NMT1: variants seen among roughly 807,000 people sequenced by gnomAD.
NMT1 encodes N-myristoyltransferase 1, also known as glycylpeptide N-tetradecanoyltransferase 1.
Under a neutral mutation model 63.4 loss-of-function variants are expected in NMT1, and 12 were observed. The ratio of observed to expected loss-of-function variants is 0.19; its 90% CI spans 0.12 to 0.31. The LOEUF is 0.31. Among genes scored for constraint, NMT1 ranks in the 10% least tolerant of loss-of-function variants. The pLI is 1.00. For synonymous variants in NMT1, 228 were observed against 234.3 expected (o/e 0.97, Z 0.25); for missense variants, 432 against 634.6 (o/e 0.68, Z 3.43).
chr17:45,096,122 G>C, intron 4 of NMT1, 72 bp from the exon 5 acceptor site: 1 of 1,109,086 alleles, frequency 9.0e-7, no homozygotes. Flanking sequence ...GAAAAGCCTA[G>C]AGCCCCAGGG....
At chr17:45,098,313 C>T (rs1455873969) in intron 6 of NMT1, 69 bp from the exon 7 acceptor site, 14 of 1,486,266 alleles carry the variant, frequency 9.4e-6, no homozygotes, top group South Asian at 1.2e-5. Flanking sequence ...TGTGGCTGCA[C>T]GTGCTTGATG....
intron 8 of NMT1, 124 bp downstream of exon 8, chr17:45,099,637 C>T: frequency 1.5e-6 from 1 of 671,126 alleles, no homozygotes; most frequent in Non-Finnish European, 2.7e-6. Context: ...CGAACCAGCC[C>T]ATAGTCTTCA....
chr17:45,097,333 C>T (rs1324710029), intron 6 of NMT1, 89 bp downstream of exon 6: 5 of 1,019,914 alleles, frequency 4.9e-6, no homozygotes, highest in Non-Finnish European at 6.2e-6. Context: ...CAATGTGCCC[C>T]ATGAAAGGAA....
intron 2 of NMT1, among the ~76,000 whole-genome samples, chr17:45,085,608 G>A (rs2054046870): frequency 6.6e-6 from 1 of 151,966 alleles, no homozygotes; most frequent in African/African-American, 2.4e-5. Context: ...TACTTTCTAT[G>A]TGTCTTACAC....
chr17:45,103,988 C>T lies in NMT1; in HGVS notation c.1332+112C>T, dbSNP rs1303215941. The T allele has an allele frequency of 3.1e-6, 5 of 1,598,984 alleles. No homozygotes were observed. The highest frequency in any genetic ancestry group is 1.7e-5 in the Admixed American group (1 of 59,812). On this transcript the variant is annotated intron_variant, in intron 10 of 11. Transcript: ENST00000258960. This position sits in a 1 kb window ranked among gnomAD's most constrained non-coding sequence, Gnocchi z 4.8. ...CCATGGGCTGGAGGCTCTGAGCCCT[C>T]CTCATCTGTTCTGCTTAGGCAGGGT...
At position 45,098,369 on chromosome 17, in the gene NMT1, T is replaced by C. The variant is rs760304105; in HGVS notation, c.714-13T>C. 3.2e-5 allele frequency: 51 copies of C among 1,610,258 alleles called. No homozygotes were observed. The highest frequency in any genetic ancestry group is 4.1e-5 in the Non-Finnish European group (48 of 1,177,234). Reference sequence around the variant, plus strand: ...GTTAAAAACCTTGTCACCTGGATTTTTCCCCCTCTTAGAGAGAAGAAGATG... The same window carrying C: ...GTTAAAAACCTTGTCACCTGGATTTCTCCCCCTCTTAGAGAGAAGAAGATG... On this transcript the variant is annotated splice_polypyrimidine_tract_variant and intron_variant, in intron 6 of 11. Coordinates refer to ENST00000258960, the MANE Select transcript of NMT1 (RefSeq NM_021079.5).
chr17:45,081,583 C>T, intron 1 of NMT1, 61 bp from the exon 2 acceptor site: 3 of 1,417,452 alleles, frequency 2.1e-6, no homozygotes, highest in Non-Finnish European at 2.9e-6. Flanking sequence ...AGCTCTTTGT[C>T]AGGGGTAGCA....
rs1567871129 is a variant in NMT1, at chr17:45,098,461, C to T, written c.793C>T (p.Arg265Ter). 1.9e-6 allele frequency: 3 copies of T among 1,614,166 alleles called. No individual in the cohort carries two copies. The highest frequency in any genetic ancestry group is 2.2e-5 in the East Asian group (1 of 44,890). ...CAAGAGGGTTGCTCCAGTTCTGATC[C>T]GAGAGATCACCAGGCGGGTTCACCT... is the stretch of plus-strand genomic sequence containing the variant. ...RSKRVAPVLI[R>*]EITRRVHLEG... is the part of the protein sequence containing the mutation. The change falls in exon 7 of 12, where the codon CGA (arginine) becomes TGA (stop). Residue 265 changes from arginine (R) to a stop codon, truncating the protein, a stop_gained. Transcript: ENST00000258960. LOFTEE classifies it high-confidence loss of function.
chr17:45,097,381 G>A (rs2054132246), intron 6 of NMT1, 137 bp downstream of exon 6: 1 of 730,012 alleles, frequency 1.4e-6, no homozygotes, highest in East Asian at 2.5e-5. Context: ...CCCAGGTGCG[G>A]GGACTGCAGA....
At position 45,089,412 on chromosome 17, in the gene NMT1, G is replaced by A. The variant is rs187900244; in HGVS notation, c.385+2760G>A. Among the ~76,000 whole-genome samples, 178 of 151,952 alleles carry A rather than the reference G, an allele frequency of 1.2e-3. 1 individual carries two copies. Among genetic ancestry groups the A allele is most frequent in the African/African-American group, 4.0e-3 (167 of 41,426 alleles). ...GGCTGGAGTGCAGTGGCGTTTTCTC[G>A]GCTCACTGCAACCTCTGCCTCCCAG... On this transcript the variant is annotated intron_variant, in intron 3 of 11. Coordinates refer to ENST00000258960, the MANE Select transcript of NMT1 (RefSeq NM_021079.5).
intron 8 of NMT1, among the ~76,000 whole-genome samples, chr17:45,101,458 C>T (rs975225817): frequency 6.6e-6 from 1 of 150,842 alleles, no homozygotes; most frequent in African/African-American, 2.4e-5. Context: ...CCTGTCTCTA[C>T]TAAAAACACA....
In NMT1 at chr17:45,080,847, A is replaced by G. The variant is rs932926463; in HGVS notation, c.132-797A>G. 4.6e-5 allele frequency among the ~76,000 whole-genome samples: 7 copies of G among 150,772 alleles called. No homozygotes were observed. In the East Asian group the frequency reaches 1.2e-3, roughly 25 times the overall value. On this transcript the variant is annotated intron_variant, in intron 1 of 11. Coordinates refer to ENST00000258960, the MANE Select transcript of NMT1 (RefSeq NM_021079.5). ...AATGACGTGATCTCAACTCACTGCA[A>G]CCTCCACCTCCCGGGTTCAAGCAGT...
At chr17:45,066,833 C>T (rs1448272840) in intron 1 of NMT1, among the ~76,000 whole-genome samples, 1 of 141,350 alleles carries the variant, frequency 7.1e-6, no homozygotes, top group African/African-American at 2.5e-5. Context: ...CCACCTCAGC[C>T]TCCCAAGTAG....
intron 1 of NMT1, among the ~76,000 whole-genome samples, chr17:45,066,763 A>G (rs1005381303): frequency 1.3e-5 from 2 of 152,136 alleles, no homozygotes; most frequent in Non-Finnish European, 2.9e-5. Context: ...CGTCCAGGCT[A>G]TAGTACAGTG....
intron 1 of NMT1, among the ~76,000 whole-genome samples, chr17:45,065,615 C>G (rs556473592): frequency 7.9e-4 from 96 of 121,382 alleles, no homozygotes; most frequent in African/African-American, 3.0e-3. Context: ...CAGAGCCAGA[C>G]TCTGTCTCAA....
intron 8 of NMT1, 80 bp downstream of exon 8, chr17:45,099,593 T>C (rs895100652): frequency 3.0e-6 from 3 of 1,009,162 alleles, no homozygotes; most frequent in African/African-American, 3.2e-5. Context: ...AGAAGGGCTC[T>C]GGGTGGAGAG....
chr17:45,087,897 G>A (rs1461504100), intron 3 of NMT1, among the ~76,000 whole-genome samples: 7 of 152,158 alleles, frequency 4.6e-5, no homozygotes, highest in Non-Finnish European at 1.0e-4. Context: ...TAATCCATGA[G>A]GCCTGCAGAC....
rs1204035918 is a variant in NMT1, at chr17:45,107,105, A to T, written c.*1466A>T. 2.0e-5 allele frequency: 3 copies of T among 152,272 alleles called. No homozygotes were observed. The highest frequency in any genetic ancestry group is 7.2e-5 in the African/African-American group (3 of 41,458). The allele number at this position is 152,272 out of a possible 1,614,324, so 9.4% of individuals were successfully genotyped here. On this transcript the variant is annotated 3_prime_UTR_variant, in exon 12 of 12. Coordinates refer to ENST00000258960, the MANE Select transcript of NMT1 (RefSeq NM_021079.5). The stretch of plus-strand genomic sequence containing the variant: ...CCTTGCTGCCGTCACCTCTCCGCTC[A>T]TACAGGAATGAAGCCTTAGCCAGGA...
Position 45,081,626 on chromosome 17 carries a change from A to G in NMT1, c.132-18A>G, listed in dbSNP as rs759619751. 6.2e-7 allele frequency: 1 copy of G among 1,601,832 alleles called. No individual in the cohort carries two copies. Among genetic ancestry groups the G allele is most frequent in the Non-Finnish European group, 8.5e-7 (1 of 1,173,482 alleles). On this transcript the variant is annotated intron_variant, in intron 1 of 11. Coordinates refer to ENST00000258960, the MANE Select transcript of NMT1 (RefSeq NM_021079.5). The stretch of plus-strand genomic sequence containing the variant: ...GATTTTTTTTAAACCCTGCATTAGT[A>G]TTTACTTTTTGTTACAGTGGTTTGA...
Sources: gnomAD v4.1 joint callset for allele counts (sites outside exome capture counted in the v4.1 genomes callset) on GRCh38, gnomAD v4.1.1 for gene constraint, Gnocchi (gnomAD v3.1) non-coding constraint, MANE v1.5 for transcripts, NCBI Gene and HGNC (gene_info 2026-07-23, HGNC 2026-07-21) for gene names.